Variants in NAGS observed in about 807,000 individuals in gnomAD.
NAGS encodes the protein N-acetylglutamate synthase, mitochondrial.
A neutral mutation model predicts 46.9 loss-of-function variants in NAGS; 34 were observed. The observed-to-expected ratio is 0.72, with a 90% CI of 0.55 to 0.97. The LOEUF (loss-of-function observed/expected upper bound fraction) is 0.97, where lower values mean the gene tolerates loss of function less well. Ranked by LOEUF, NAGS falls within the 50% of genes least tolerant of loss-of-function variation. NAGS has a pLI of 0.00. For missense variants in NAGS, 665 were observed against 747.0 expected (o/e 0.89, Z 1.28); for synonymous variants, 334 against 346.3 (o/e 0.96, Z 0.39).
At chr17:44,008,220 G>A (rs2049120348) in intron 6 of NAGS, among the ~76,000 whole-genome samples, 2 of 152,186 alleles carry the variant, frequency 1.3e-5, no homozygotes, top group Admixed American at 1.3e-4. Context: ...CGCCTGGCAA[G>A]GTACCTAACT....
chr17:44,006,113 C>A lies in NAGS; in HGVS notation c.791C>A (p.Thr264Lys). 2 of 1,612,940 alleles carry A rather than the reference C, an allele frequency of 1.2e-6. No individual in the cohort carries two copies. The highest frequency in any genetic ancestry group is 8.5e-7 in the Non-Finnish European group (1 of 1,179,820). ...CCCATCCTGTGCCCCATCGGGGAGA[C>A]GGCCGCGCGCCGCTCCGTGCTTCTC... ...SIPILCPIGE[T>K]AARRSVLLDS... The change falls in exon 3 of 7, where the codon ACG (threonine) becomes AAG (lysine). Residue 264 changes from threonine to lysine, a missense_variant. Transcript: ENST00000293404. This position sits in a 1 kb window ranked among gnomAD's most constrained non-coding sequence, Gnocchi z 4.8.
chr17:44,007,388 C>G lies in NAGS; in HGVS notation c.1162C>G (p.Gln388Glu), dbSNP rs1424253595. 1 of 1,613,940 alleles carries G rather than the reference C, an allele frequency of 6.2e-7. No homozygotes were observed. The highest frequency in any genetic ancestry group is 1.1e-5 in the South Asian group (1 of 91,088). ...GGTGCGCAGCCTGGACAAGCTGGACCAGGGCCGTCTAGTGGACCTGGTCAA... is the reference window on the plus strand; with the variant it reads ...GGTGCGCAGCCTGGACAAGCTGGACGAGGGCCGTCTAGTGGACCTGGTCAA... Reference protein sequence around the residue: ...LRVRSLDKLDQGRLVDLVNAS... With the variant: ...LRVRSLDKLDEGRLVDLVNAS... Residue 388 changes from glutamine to glutamate, a missense_variant, in exon 5 of 7, where the codon CAG becomes GAG. Gln to Glu is a conservative substitution (Grantham distance 29). Coordinates refer to ENST00000293404, the MANE Select transcript of NAGS (RefSeq NM_153006.3). The surrounding 1 kb of genome is among the most constrained non-coding windows in gnomAD (Gnocchi z 5.1).
intron 6 of NAGS, among the ~76,000 whole-genome samples, chr17:44,008,113 C>G (rs561814064): frequency 1.4e-4 from 21 of 152,296 alleles, no homozygotes; most frequent in Non-Finnish European, 2.9e-4. Flanking sequence ...ACCCCTACAC[C>G]CTGCTCTGTG....
At position 44,006,411 on chromosome 17, in the gene NAGS, G is replaced by T; in HGVS notation, c.916-118G>T. On this transcript the variant is annotated intron_variant, in intron 3 of 6. Transcript: ENST00000293404. The surrounding 1 kb of genome is among the most constrained non-coding windows in gnomAD (Gnocchi z 4.8). ...GGTGCCCAGATCTGCGCCCTCCCTG[G>T]CTAAGGACTCCGGGCGGAAGTAAGG... 1 of 1,491,676 alleles carries T rather than the reference G, an allele frequency of 6.7e-7. No individual in the cohort carries two copies. The highest frequency in any genetic ancestry group is 9.1e-7 in the Non-Finnish European group (1 of 1,098,632). The allele number at this position is 1,491,676 out of a possible 1,614,324, so 92.4% of individuals were successfully genotyped here. A position where few individuals can be genotyped will look rare whatever the true frequency, so the allele number is the denominator to read the frequency against.
At position 44,005,997 on chromosome 17, in the gene NAGS, C is replaced by G. The variant is rs1452641671; in HGVS notation, c.702-27C>G. 3.8e-6 allele frequency: 6 copies of G among 1,576,876 alleles called. No individual in the cohort carries two copies. Among genetic ancestry groups the G allele is most frequent in the South Asian group, 3.4e-5 (3 of 87,302 alleles). ...CCGTCCGGCAGGCCTGGAGGGGGCC[C>G]TCTCGAGCACCACGTCTGGCCCACA... On this transcript the variant is annotated intron_variant, in intron 2 of 6. Transcript: ENST00000293404. The surrounding 1 kb of genome is among the most constrained non-coding windows in gnomAD (Gnocchi z 7.2).
At position 44,006,591 on chromosome 17, in the gene NAGS, C is replaced by T; in HGVS notation, c.978C>T (p.Ser326=). The T allele has an allele frequency of 6.3e-7, 1 of 1,596,058 alleles. No individual in the cohort carries two copies. Among genetic ancestry groups the T allele is most frequent in the Non-Finnish European group, 8.5e-7 (1 of 1,170,872 alleles). ...TGGTGTGCAACGCCGAGTGGGTGAG[C>T]ACAAAAGAACGGCAGCAGATGCGGC... The part of the protein sequence containing the change: ...LDLVCNAEWV[S]TKERQQMRLI... Residue 326 remains serine, a synonymous_variant, in exon 4 of 7, where the codon AGC becomes AGT. Coordinates refer to ENST00000293404, the MANE Select transcript of NAGS (RefSeq NM_153006.3). The surrounding 1 kb of genome is among the most constrained non-coding windows in gnomAD (Gnocchi z 4.8).
In NAGS at chr17:44,004,879, G is replaced by A. The variant is rs891726101; in HGVS notation, c.216G>A (p.Ser72=). Residue 72 remains serine (S), a synonymous_variant, in exon 1 of 7, where the codon TCG becomes TCA. Transcript: ENST00000293404. ...CGGGCGCGGACGACGTCTCCCAGTC[G>A]CCCGTCGCCGAGGAGCCGTCGTGGG... ...EYAGADDVSQ[S]PVAEEPSWVP... The A allele has an allele frequency of 3.3e-6, 5 of 1,531,412 alleles. No homozygotes were observed. The highest frequency in any genetic ancestry group is 2.0e-5 in the Admixed American group (1 of 50,854). The allele number at this position is 1,531,412 out of a possible 1,614,324, so 94.9% of individuals were successfully genotyped here.
rs867444614 is a variant in NAGS at position 44,007,629 on chromosome 17, T to G, written c.1307T>G (p.Leu436Arg). Residue 436 changes from leucine to arginine, a missense_variant, in exon 6 of 7, where the codon CTG becomes CGG. By Grantham distance (102) the Leu-to-Arg change is moderately radical (BLOSUM62 -2). Coordinates refer to ENST00000293404, the MANE Select transcript of NAGS (RefSeq NM_153006.3). The surrounding 1 kb of genome is among the most constrained non-coding windows in gnomAD (Gnocchi z 5.1). ...GCCATTCTGACCATGGAGCCCGTCC[T>G]GGGGGGCACCCCGTACCTGGACAAA... is the stretch of plus-strand genomic sequence containing the variant. The part of the protein sequence containing the change: ...AAAILTMEPV[L>R]GGTPYLDKFV... 3 of 1,605,816 alleles carry G rather than the reference T, an allele frequency of 1.9e-6. No individual in the cohort carries two copies. The Middle Eastern group carries it at 5.0e-4, about 266-fold the overall frequency.
In NAGS at chr17:44,004,840, G is replaced by A. The variant is rs751129470; in HGVS notation, c.177G>A (p.Pro59=). Residue 59 remains proline (P), a synonymous_variant, in exon 1 of 7, where the codon CCG becomes CCA. Transcript: ENST00000293404. ...CCGCCTGGTCGCAGCCCCAGCCCCC[G>A]CCCGAGGAGTACGCGGGCGCGGACG... ...LSTAWSQPQP[P]PEEYAGADDV... is the part of the protein sequence containing the mutation. 2.6e-6 allele frequency: 4 copies of A among 1,517,892 alleles called. No homozygotes were observed. The South Asian group carries it at 4.9e-5, about 18-fold the overall frequency. 94.0% of individuals were successfully genotyped at this position (1,517,892 alleles called of 1,614,324 possible).
chr17:44,005,161 G>T lies in NAGS; in HGVS notation c.426+72G>T. 6.7e-7 allele frequency: 1 copy of T among 1,502,300 alleles called. No individual in the cohort carries two copies. Among genetic ancestry groups the T allele is most frequent in the Non-Finnish European group, 8.9e-7 (1 of 1,124,132 alleles). The allele number at this position is 1,502,300 out of a possible 1,614,324, so 93.1% of individuals were successfully genotyped here. A position where few individuals can be genotyped will look rare whatever the true frequency, so the allele number is the denominator to read the frequency against. On this transcript the variant is annotated intron_variant, in intron 1 of 6. Coordinates refer to ENST00000293404, the MANE Select transcript of NAGS (RefSeq NM_153006.3). The surrounding 1 kb of genome is among the most constrained non-coding windows in gnomAD (Gnocchi z 7.2). ...TGTGCGGCCACCTGTCCTCAGGCATGGCAGGATACGCTGCGGGCTCTGCGC... is the reference window on the plus strand; with the variant it reads ...TGTGCGGCCACCTGTCCTCAGGCATTGCAGGATACGCTGCGGGCTCTGCGC...
chr17:44,006,041 C>G lies in NAGS; in HGVS notation c.719C>G (p.Ser240Trp). The change falls in exon 3 of 7, where the codon TCG becomes TGG. Residue 240 changes from serine (S) to tryptophan (W), a missense_variant. By Grantham distance (177) the Ser-to-Trp change is radical. Coordinates refer to ENST00000293404, the MANE Select transcript of NAGS (RefSeq NM_153006.3). This position sits in a 1 kb window ranked among gnomAD's most constrained non-coding sequence, Gnocchi z 4.8. ...APHASYGGIV[S>W]VETDLLQWCL... ...GCCCACAGCTACGGCGGCATCGTCT[C>G]GGTGGAGACAGACCTGCTGCAGTGG... 6.2e-7 allele frequency: 1 copy of G among 1,604,912 alleles called. No homozygotes were observed. Among genetic ancestry groups the G allele is most frequent in the South Asian group, 1.1e-5 (1 of 90,034 alleles).
rs2049077928 is a variant in NAGS at position 44,005,724 on chromosome 17, C to T, written c.514C>T (p.Leu172=). 6.3e-7 allele frequency: 1 copy of T among 1,595,072 alleles called. No individual in the cohort carries two copies. The highest frequency in any genetic ancestry group is 1.3e-5 in the African/African-American group (1 of 74,618). The change falls in exon 2 of 7, where the codon CTG becomes TTG. Residue 172 remains leucine, a synonymous_variant. Coordinates refer to ENST00000293404, the MANE Select transcript of NAGS (RefSeq NM_153006.3). The surrounding 1 kb of genome is among the most constrained non-coding windows in gnomAD (Gnocchi z 7.2). ...CTTGCAGCGCATGGACATGAAGCCGCTGGTGGTCCTGGGGCTGCCGGCCCC... is the reference window on the plus strand; with the variant it reads ...CTTGCAGCGCATGGACATGAAGCCGTTGGTGGTCCTGGGGCTGCCGGCCCC... The part of the protein sequence containing the change: ...AFLQRMDMKP[L]VVLGLPAPTA...
chr17:44,008,055 C>T (rs556611245), intron 6 of NAGS, among the ~76,000 whole-genome samples: 12 of 152,284 alleles, frequency 7.9e-5, no homozygotes, highest in East Asian at 7.7e-4. Context: ...AGGCCTGCGG[C>T]GCCTCCAGTG....
chr17:44,005,089 G>T lies in NAGS; in HGVS notation c.426G>T (p.Glu142Asp). 2 of 1,568,480 alleles carry T rather than the reference G, an allele frequency of 1.3e-6. No individual in the cohort carries two copies. The highest frequency in any genetic ancestry group is 1.7e-6 in the Non-Finnish European group (2 of 1,160,968). ...HSADKPFAVI[E>D]VDEEVLKCQQ... ...CGGACAAGCCCTTCGCCGTCATCGA[G>T]GTGAGCGGAGCCCGGCGTGGGCCGT... is the stretch of plus-strand genomic sequence containing the variant. The change falls in exon 1 of 7, where the codon GAG becomes GAT. Residue 142 changes from glutamate to aspartate, a missense_variant and splice_region_variant. By Grantham distance (45) the Glu-to-Asp change is conservative. Transcript: ENST00000293404. This position sits in a 1 kb window ranked among gnomAD's most constrained non-coding sequence, Gnocchi z 7.2.
At position 44,006,121 on chromosome 17, in the gene NAGS, C is replaced by T. The variant is rs764289758; in HGVS notation, c.799C>T (p.Arg267Cys). The change falls in exon 3 of 7, where the codon CGC (arginine) becomes TGC (cysteine). Residue 267 changes from arginine to cysteine, a missense_variant. Arg to Cys is a radical substitution (Grantham distance 180). Transcript: ENST00000293404. The surrounding 1 kb of genome is among the most constrained non-coding windows in gnomAD (Gnocchi z 4.8). ...GTGCCCCATCGGGGAGACGGCCGCG[C>T]GCCGCTCCGTGCTTCTCGACTCCCT... is the stretch of plus-strand genomic sequence containing the variant. ...ILCPIGETAARRSVLLDSLEV... is the reference protein window; with the variant it reads ...ILCPIGETAACRSVLLDSLEV... 1 of 1,613,046 alleles carries T rather than the reference C, an allele frequency of 6.2e-7. No homozygotes were observed. The highest frequency in any genetic ancestry group is 8.5e-7 in the Non-Finnish European group (1 of 1,179,884).
rs1315899700 is a variant in NAGS, at chr17:44,004,917, G to A, written c.254G>A (p.Arg85Lys). The A allele has an allele frequency of 6.5e-7, 1 of 1,535,054 alleles. No individual in the cohort carries two copies. Among genetic ancestry groups the A allele is most frequent in the Non-Finnish European group, 8.7e-7 (1 of 1,146,464 alleles). The change falls in exon 1 of 7, where the codon AGG becomes AAG. Residue 85 changes from arginine (R) to lysine (K), a missense_variant. Arg to Lys is a conservative substitution (Grantham distance 26). Coordinates refer to ENST00000293404, the MANE Select transcript of NAGS (RefSeq NM_153006.3). Reference sequence around the variant, plus strand: ...GAGCCGTCGTGGGTGCCGAGTCCCAGGCCCCCGGTGCCCCACGAGTCCCCA... The same window carrying A: ...GAGCCGTCGTGGGTGCCGAGTCCCAAGCCCCCGGTGCCCCACGAGTCCCCA... ...AEEPSWVPSP[R>K]PPVPHESPEP...
In NAGS at chr17:44,007,060, A is replaced by C. The variant is rs1485965071; in HGVS notation, c.1097-263A>C. 1.7e-6 allele frequency: 1 copy of C among 581,332 alleles called. No homozygotes were observed. The highest frequency in any genetic ancestry group is 3.1e-5 in the Admixed American group (1 of 31,902). 36.0% of individuals were successfully genotyped at this position (581,332 alleles called of 1,614,324 possible). ...GTGGGCCGGGTCAGCGGCGGGAGACAGACTTCAAGGAGCGAGGCAAGACTA... is the reference window on the plus strand; with the variant it reads ...GTGGGCCGGGTCAGCGGCGGGAGACCGACTTCAAGGAGCGAGGCAAGACTA... On this transcript the variant is annotated intron_variant, in intron 4 of 6. Transcript: ENST00000293404. This position sits in a 1 kb window ranked among gnomAD's most constrained non-coding sequence, Gnocchi z 5.1.
Position 44,007,080 on chromosome 17 carries a change from A to T in NAGS, c.1097-243A>T. ...GAGACAGACTTCAAGGAGCGAGGCAAGACTAACGGAAGTGGGTGGGGCTCC... is the reference window on the plus strand; with the variant it reads ...GAGACAGACTTCAAGGAGCGAGGCATGACTAACGGAAGTGGGTGGGGCTCC... On this transcript the variant is annotated intron_variant, in intron 4 of 6. Coordinates refer to ENST00000293404, the MANE Select transcript of NAGS (RefSeq NM_153006.3). This position sits in a 1 kb window ranked among gnomAD's most constrained non-coding sequence, Gnocchi z 5.1. The T allele has an allele frequency of 1.7e-6, 1 of 590,638 alleles. No homozygotes were observed. The allele number at this position is 590,638 out of a possible 1,614,324, so 36.6% of individuals were successfully genotyped here.
At position 44,005,593 on chromosome 17, in the gene NAGS, G is replaced by A; in HGVS notation, c.427-44G>A. ...GCAGGCCAGGCTGTGGGAGCCAGCGGCTCAGGTCCGTGTCACGCTCCTTGA... is the reference window on the plus strand; with the variant it reads ...GCAGGCCAGGCTGTGGGAGCCAGCGACTCAGGTCCGTGTCACGCTCCTTGA... On this transcript the variant is annotated intron_variant, in intron 1 of 6. Transcript: ENST00000293404. This position sits in a 1 kb window ranked among gnomAD's most constrained non-coding sequence, Gnocchi z 7.2. 2 of 1,596,474 alleles carry A rather than the reference G, an allele frequency of 1.3e-6. No homozygotes were observed. The highest frequency in any genetic ancestry group is 1.7e-6 in the Non-Finnish European group (2 of 1,172,608).
Sources: gnomAD v4.1 joint callset for allele counts (sites outside exome capture counted in the v4.1 genomes callset) on GRCh38, gnomAD v4.1.1 for gene constraint, Gnocchi (gnomAD v3.1) non-coding constraint, MANE v1.5 for transcripts, NCBI Gene and HGNC (gene_info 2026-07-23, HGNC 2026-07-21) for gene names.